PHRF1: variants seen among roughly 807,000 people sequenced by gnomAD.
PHRF1 encodes PHD and RING finger domain-containing protein 1.
A neutral mutation model predicts 128.9 loss-of-function variants in PHRF1; 53 were observed. That is an observed-to-expected ratio of 0.41 (90% CI 0.33 to 0.52). PHRF1 has a LOEUF of 0.52. Among genes scored for constraint, PHRF1 ranks in the 20% least tolerant of loss-of-function variants. The pLI is 0.21. For missense variants in PHRF1, 2,503 were observed against 2,284.5 expected (o/e 1.10, Z -1.95); for synonymous variants, 1,178 against 980.6 (o/e 1.20, Z -3.76).
At chr11:576,987 C>T (rs1853893838) in intron 1 of PHRF1, among the ~76,000 whole-genome samples, 2 of 152,132 alleles carry the variant, frequency 1.3e-5, no homozygotes, top group Non-Finnish European at 2.9e-5. Context: ...ACTCGCCTCG[C>T]TCTGTGGCAC....
rs189061540 is a variant in PHRF1 at position 580,199 on chromosome 11, G to A, written c.-21-1293G>A. Among the ~76,000 whole-genome samples, 303 of 152,328 alleles carry A rather than the reference G, an allele frequency of 2.0e-3. 3 individuals carry two copies. The highest frequency in any genetic ancestry group is 6.9e-3 in the African/African-American group (285 of 41,562). Reference sequence around the variant, plus strand: ...CTCTCCTAGGACAGGCCTTTCCTCCGAGAGTCGCCTGGGAAACAAGGTCAA... The same window carrying A: ...CTCTCCTAGGACAGGCCTTTCCTCCAAGAGTCGCCTGGGAAACAAGGTCAA... On this transcript the variant is annotated intron_variant, in intron 1 of 17. Transcript: ENST00000264555.
At chr11:586,204 G>A (rs1308824661) in intron 3 of PHRF1, among the ~76,000 whole-genome samples, 1 of 152,066 alleles carries the variant, frequency 6.6e-6, no homozygotes, top group South Asian at 2.1e-4. Context: ...CTGTTAGCCA[G>A]GATGGTCTCT....
chr11:592,654 C>T lies in PHRF1; in HGVS notation c.600C>T (p.Leu200=), dbSNP rs1855050248. The change falls in exon 6 of 18, where the codon CTC becomes CTT. Residue 200 remains leucine, a synonymous_variant. Transcript: ENST00000264555. The part of the protein sequence containing the change: ...GRSDREDRLL[L]CDGCDAGYHM... ...GCGACCGTGAGGACAGGCTTTTGCT[C>T]TGCGACGGCTGCGATGCGGGGTAAG... 2 of 1,614,054 alleles carry T rather than the reference C, an allele frequency of 1.2e-6. No individual in the cohort carries two copies. Among genetic ancestry groups the T allele is most frequent in the East Asian group, 2.2e-5 (1 of 44,888 alleles).
intron 6 of PHRF1, 45 bp from the exon 7 acceptor site, chr11:596,878 G>A: frequency 6.4e-7 from 1 of 1,570,272 alleles, no homozygotes; most frequent in Non-Finnish European, 8.8e-7. Flanking sequence ...GTTTGGGAAA[G>A]CTGTGAGCAG....
chr11:596,837 G>A, intron 6 of PHRF1, 86 bp from the exon 7 acceptor site: 2 of 1,182,966 alleles, frequency 1.7e-6, no homozygotes, highest in Non-Finnish European at 1.3e-6. Flanking sequence ...TGCCATCGGA[G>A]GCCTGCTTTG....
In PHRF1 at chr11:608,371, C is replaced by G; in HGVS notation, c.2915C>G (p.Pro972Arg). The change falls in exon 14 of 18, where the codon CCC (proline) becomes CGC (arginine). Residue 972 changes from proline to arginine, a missense_variant. Coordinates refer to ENST00000264555, the MANE Select transcript of PHRF1 (RefSeq NM_001286581.2). Reference sequence around the variant, plus strand: ...ACTGTCGTGGAGCCGGAAGCCCCACCCAGCCCGGACGTGCTGCAGGCTGCC... The same window carrying G: ...ACTGTCGTGGAGCCGGAAGCCCCACGCAGCCCGGACGTGCTGCAGGCTGCC... ...CVTVVEPEAPPSPDVLQAATH... is the reference protein window; with the variant it reads ...CVTVVEPEAPRSPDVLQAATH... The G allele has an allele frequency of 1.2e-6, 2 of 1,611,130 alleles. No homozygotes were observed. Among genetic ancestry groups the G allele is most frequent in the Non-Finnish European group, 1.7e-6 (2 of 1,179,290 alleles).
At chr11:598,660 CG>C (rs1855448939) in intron 9 of PHRF1, among the ~76,000 whole-genome samples, 158 bp downstream of exon 9, 1 of 152,196 alleles carries the variant, frequency 6.6e-6, no homozygotes, top group Non-Finnish European at 1.5e-5. Flanking sequence ...GCGCCGGGCC[CG>C]GGAGGTGTGG....
At chr11:577,045 G>T (rs1035242191) in intron 1 of PHRF1, among the ~76,000 whole-genome samples, 4 of 152,338 alleles carry the variant, frequency 2.6e-5, no homozygotes, top group African/African-American at 9.6e-5. Flanking sequence ...TTGGGAGAGA[G>T]CTGTGACTTC....
In PHRF1 at chr11:593,593, C is replaced by G. The variant is rs548854364; in HGVS notation, c.620+919C>G. ...TACCCAGGCCTCTGCTCCACTCACG[C>G]TGTTGTTGGTGCAGGAATCGCTGGC... On this transcript the variant is annotated intron_variant, in intron 6 of 17. Coordinates refer to ENST00000264555, the MANE Select transcript of PHRF1 (RefSeq NM_001286581.2). Among the ~76,000 whole-genome samples the G allele has an allele frequency of 5.9e-5, 9 of 152,366 alleles. No homozygotes were observed. In the South Asian group the frequency reaches 1.7e-3, roughly 28 times the overall value.
rs1856052537 is a variant in PHRF1, at chr11:607,889, G to T, written c.2433G>T (p.Glu811Asp). The T allele has an allele frequency of 6.2e-7, 1 of 1,612,644 alleles. No individual in the cohort carries two copies. Among genetic ancestry groups the T allele is most frequent in the South Asian group, 1.1e-5 (1 of 91,092 alleles). Residue 811 changes from glutamate (E) to aspartate (D), a missense_variant, in exon 14 of 18, where the codon GAG becomes GAT. Coordinates refer to ENST00000264555, the MANE Select transcript of PHRF1 (RefSeq NM_001286581.2). Reference sequence around the variant, plus strand: ...TGGACGATAAGGAGCAGAGGAAGGAGAACCCCTCACCCCTCTTCTCCATCA... The same window carrying T: ...TGGACGATAAGGAGCAGAGGAAGGATAACCCCTCACCCCTCTTCTCCATCA... ...RPVDDKEQRK[E>D]NPSPLFSIKK... is the part of the protein sequence containing the mutation.
chr11:577,608 G>C (rs1853956798), intron 1 of PHRF1, among the ~76,000 whole-genome samples: 1 of 152,274 alleles, frequency 6.6e-6, no homozygotes, highest in Non-Finnish European at 1.5e-5. Context: ...GGCCCGCGGA[G>C]ACCTTTGTGC....
intron 9 of PHRF1, 47 bp from the exon 10 acceptor site, chr11:601,527 G>A (rs1370289880): frequency 6.2e-7 from 1 of 1,611,420 alleles, no homozygotes; most frequent in Non-Finnish European, 8.5e-7. Flanking sequence ...AATGGGGCAG[G>A]GAGGGCCCAG....
At position 576,541 on chromosome 11, in the gene PHRF1, C is replaced by A. The variant is rs1238031201; in HGVS notation, c.-73C>A. 2 of 152,218 alleles carry A rather than the reference C, an allele frequency of 1.3e-5. No homozygotes were observed. Among genetic ancestry groups the A allele is most frequent in the South Asian group, 3.8e-4 (2 of 5,280 alleles). 9.4% of individuals were successfully genotyped at this position (152,218 alleles called of 1,614,324 possible). On this transcript the variant is annotated 5_prime_UTR_variant, in exon 1 of 18. Transcript: ENST00000264555. ...GCCGGGCCTAGGAGCGACTCTCGGT[C>A]GTGCAGCGGCGGCGAGCGCTCGCGA...
chr11:606,331 C>G (rs1449984201), intron 12 of PHRF1, 111 bp from the exon 13 acceptor site: 10 of 1,371,244 alleles, frequency 7.3e-6, no homozygotes, highest in Admixed American at 2.8e-5. Context: ...AGGCGCAGGC[C>G]CGGCCCAGCC....
At chr11:587,502 G>A in intron 4 of PHRF1, 38 bp downstream of exon 4, 1 of 1,601,576 alleles carries the variant, frequency 6.2e-7, no homozygotes, top group Non-Finnish European at 8.5e-7. Flanking sequence ...CTCCCTTCAG[G>A]ATGGCCTCCC....
intron 2 of PHRF1, 148 bp downstream of exon 2, chr11:581,754 T>C: frequency 9.7e-7 from 1 of 1,033,500 alleles, no homozygotes; most frequent in African/African-American, 1.6e-5. Context: ...TAGTGTATTG[T>C]TTTGTTTTAT....
intron 9 of PHRF1, 49 bp from the exon 10 acceptor site, chr11:601,525 A>G: frequency 6.2e-7 from 1 of 1,610,386 alleles, no homozygotes; most frequent in South Asian, 1.1e-5. Context: ...GGAATGGGGC[A>G]GGGAGGGCCC....
intron 3 of PHRF1, among the ~76,000 whole-genome samples, 178 bp downstream of exon 3, chr11:582,259 C>A (rs2134178447): frequency 1.5e-5 from 2 of 135,100 alleles, no homozygotes; most frequent in South Asian, 4.9e-4. Flanking sequence ...TGTAGTACTT[C>A]ATTTCTTTTT....
At position 609,272 on chromosome 11, in the gene PHRF1, T is replaced by G; in HGVS notation, c.3816T>G (p.Asp1272Glu). The G allele has an allele frequency of 1.2e-6, 2 of 1,612,298 alleles. No individual in the cohort carries two copies. Among genetic ancestry groups the G allele is most frequent in the Non-Finnish European group, 1.7e-6 (2 of 1,179,878 alleles). Reference sequence around the variant, plus strand: ...CCGTGGAGGCCGGACACGTCTTTGATGATTTCTCAAGCGACGCCGTTTTCA... The same window carrying G: ...CCGTGGAGGCCGGACACGTCTTTGAGGATTTCTCAAGCGACGCCGTTTTCA... ...GDSVEAGHVFDDFSSDAVFIQ... is the reference protein window; with the variant it reads ...GDSVEAGHVFEDFSSDAVFIQ... Residue 1272 changes from aspartate (D) to glutamate (E), a missense_variant, in exon 14 of 18, where the codon GAT (aspartate) becomes GAG (glutamate). Asp to Glu is a conservative substitution (Grantham distance 45, BLOSUM62 2). Coordinates refer to ENST00000264555, the MANE Select transcript of PHRF1 (RefSeq NM_001286581.2).
Sources: allele counts gnomAD v4.1 joint callset (sites outside exome capture counted in the v4.1 genomes callset), GRCh38; gene constraint gnomAD v4.1.1; transcripts MANE v1.5; gene names NCBI Gene and HGNC (gene_info 2026-07-23, HGNC 2026-07-21).